Variants in SDHA observed in about 807,000 individuals in gnomAD.
SDHA encodes the protein succinate dehydrogenase [ubiquinone] flavoprotein subunit, mitochondrial.
Under a neutral mutation model 78.4 loss-of-function variants are expected in SDHA, and 48 were observed. That is an observed-to-expected ratio of 0.61 (90% CI 0.49 to 0.78). The LOEUF (loss-of-function observed/expected upper bound fraction) is 0.78, where lower values mean the gene tolerates loss of function less well. SDHA is among the 30% of genes least tolerant of loss of function. The pLI is 0.00. For synonymous variants in SDHA, 326 were observed against 353.9 expected (o/e 0.92, Z 0.88); for missense variants, 680 against 892.7 (o/e 0.76, Z 3.04).
downstream of SDHA, among the ~76,000 whole-genome samples, chr5:259,139 C>T (rs1310025145): frequency 2.0e-5 from 1 of 51,104 alleles, no homozygotes. Context: ...ACCGTGTGAG[C>T]TCCGCCTCCC....
chr5:233,941 C>T, intron 8 of SDHA: 1 of 408,952 alleles, frequency 2.4e-6, no homozygotes, highest in South Asian at 2.2e-5. Flanking sequence ...GGCATGTGAG[C>T]CTTGGGTGTT....
intron 5 of SDHA, 53 bp downstream of exon 5, chr5:226,100 G>A: frequency 1.3e-6 from 2 of 1,599,496 alleles, no homozygotes; most frequent in South Asian, 1.1e-5. Context: ...GGGGCTTATG[G>A]TGACAGTGGG....
chr5:257,584 C>T (rs543631325), downstream of SDHA, among the ~76,000 whole-genome samples: 1 of 119,930 alleles, frequency 8.3e-6, no homozygotes, highest in African/African-American at 3.8e-5. Flanking sequence ...TCCGCCCCTG[C>T]CAGAGCATTA....
the SDHA span, among the ~76,000 whole-genome samples, chr5:266,350 G>T: frequency 2.0e-5 from 3 of 152,138 alleles, no homozygotes; most frequent in Non-Finnish European, 4.4e-5. Flanking sequence ...GCAACAGAAG[G>T]GCTGATTTAG....
intron 4 of SDHA, 67 bp downstream of exon 4, chr5:225,629 A>T: frequency 6.2e-7 from 1 of 1,608,598 alleles, no homozygotes; most frequent in Non-Finnish European, 8.5e-7. Flanking sequence ...CTGGAAAAAA[A>T]TGTAAGCAAT....
intron 11 of SDHA, among the ~76,000 whole-genome samples, chr5:245,865 GTCT>G (rs1381046915): frequency 3.9e-5 from 6 of 152,082 alleles, no homozygotes; most frequent in African/African-American, 1.4e-4. Flanking sequence ...GGAGATCCTA[GTCT>G]CACTAGCCCT....
chr5:248,399 C>T (rs189654178), intron 11 of SDHA, among the ~76,000 whole-genome samples: 1 of 152,226 alleles, frequency 6.6e-6, no homozygotes, highest in East Asian at 1.9e-4. Flanking sequence ...CAACCAGTCA[C>T]AATGAGTAAT....
intron 13 of SDHA, among the ~76,000 whole-genome samples, chr5:253,837 A>G (rs9687898): frequency 0.24 from 36,575 of 152,016 alleles, 6,865 homozygotes; most frequent in African/African-American, 0.53. Flanking sequence ...GAGGCAGGCC[A>G]ATGACTTGAG....
chr5:245,644 G>C (rs1736397205), intron 11 of SDHA, among the ~76,000 whole-genome samples: 2 of 152,292 alleles, frequency 1.3e-5, no homozygotes, highest in African/African-American at 4.8e-5. Context: ...TTTAATTATA[G>C]CTCCTAACAA....
chr5:221,296 G>A (rs982608125), intron 1 of SDHA, among the ~76,000 whole-genome samples: 3 of 152,172 alleles, frequency 2.0e-5, no homozygotes, highest in African/African-American at 4.8e-5. Context: ...TTTCTTTAGC[G>A]GATATGCAGG....
intron 3 of SDHA, 55 bp downstream of exon 3, chr5:224,576 C>A: frequency 1.3e-6 from 2 of 1,593,048 alleles, no homozygotes; most frequent in Non-Finnish European, 1.7e-6. Context: ...CGCGCAGCCT[C>A]GCACTTTCTA....
At chr5:222,443 G>A (rs1163517837) in intron 1 of SDHA, among the ~76,000 whole-genome samples, 1 of 151,308 alleles carries the variant, frequency 6.6e-6, no homozygotes. Context: ...TGCCTTCTGG[G>A]TTCAAGCGAT....
At chr5:243,101 A>G (rs1203089144) in intron 11 of SDHA, among the ~76,000 whole-genome samples, 2 of 152,176 alleles carry the variant, frequency 1.3e-5, no homozygotes, top group Admixed American at 1.3e-4. Flanking sequence ...AGTTCTATTC[A>G]GGCAGGAATT....
At chr5:246,999 T>A (rs1419197292) in intron 11 of SDHA, among the ~76,000 whole-genome samples, 1 of 152,240 alleles carries the variant, frequency 6.6e-6, no homozygotes, top group African/African-American at 2.4e-5. Context: ...ACTGTTTCAA[T>A]TTTTGAAATT....
At chr5:266,103 T>C in the SDHA span, among the ~76,000 whole-genome samples, 15 of 152,200 alleles carry the variant, frequency 9.9e-5, no homozygotes, top group Non-Finnish European at 1.9e-4. Flanking sequence ...ATTTCTAACA[T>C]GTCCAGGGAC....
the SDHA span, among the ~76,000 whole-genome samples, chr5:267,610 A>AGGC: frequency 3.9e-5 from 6 of 152,218 alleles, no homozygotes; most frequent in African/African-American, 1.2e-4. Flanking sequence ...CATTTAGAAA[A>AGGC]ATTCTAATGA....
At position 233,566 on chromosome 5, in the gene SDHA, C is replaced by T. The variant is rs771328239; in HGVS notation, c.985C>T (p.Arg329Ter). ...INSQGERFME[R>*]YAPVAKDLAS... ...CAGTCAAGGCGAAAGGTTTATGGAG[C>T]GATACGCCCCTGTCGCGAAGGACCT... The change falls in exon 8 of 15, where the codon CGA becomes TGA. Residue 329 changes from arginine (R) to a stop codon, truncating the protein, a stop_gained. Transcript: ENST00000264932. LOFTEE classifies it high-confidence loss of function. The T allele has an allele frequency of 3.1e-6, 5 of 1,614,030 alleles. No homozygotes were observed. The highest frequency in any genetic ancestry group is 1.3e-5 in the African/African-American group (1 of 74,912).
downstream of SDHA, among the ~76,000 whole-genome samples, chr5:258,988 C>T (rs1737385232): frequency 4.8e-5 from 2 of 41,904 alleles, no homozygotes; most frequent in Admixed American, 4.1e-4. Context: ...GCTCCGCCTC[C>T]CGTCACAGCA....
At chr5:243,091 A>T (rs572201191) in intron 11 of SDHA, among the ~76,000 whole-genome samples, 26 of 152,154 alleles carry the variant, frequency 1.7e-4, no homozygotes, top group Non-Finnish European at 3.2e-4. Context: ...GACCCCTCTC[A>T]GTTCTATTCA....
Sources: gnomAD v4.1 joint callset for allele counts (sites outside exome capture counted in the v4.1 genomes callset) on GRCh38, gnomAD v4.1.1 for gene constraint, MANE v1.5 for transcripts, NCBI Gene and HGNC (gene_info 2026-07-23, HGNC 2026-07-21) for gene names.